The following EFCAB8 variants were observed in gnomAD, a reference collection of about 807,000 sequenced individuals.
EFCAB8 encodes the protein EF-hand calcium-binding domain-containing protein 8.
Under a neutral mutation model 116.3 loss-of-function variants are expected in EFCAB8, and 100 were observed. That is an observed-to-expected ratio of 0.86 (90% CI 0.73 to 1.02). The LOEUF is 1.02. Ranked by LOEUF, EFCAB8 falls within the 50% of genes least tolerant of loss-of-function variation. The probability of loss-of-function intolerance (pLI) is 0.00; values close to 1 mark genes in which losing one functional copy is unlikely to be tolerated. For synonymous variants in EFCAB8, 558 were observed against 567.9 expected, an observed-to-expected ratio of 0.98 and a Z score of 0.25; for missense variants, 1,320 against 1,416.9, an observed-to-expected ratio of 0.93 and a Z score of 1.10.
chr20:32,889,435 C>A lies in EFCAB8; in HGVS notation c.673+29C>A, dbSNP rs1284536610. On this transcript the variant is annotated intron_variant, in intron 7 of 26. Coordinates refer to ENST00000400522, the MANE Select transcript of EFCAB8 (RefSeq NM_001143967.2). ...AGTCCCTGGGGGCTTCCCAGCTCTG[C>A]TCTCAGCCACTGGGAGCCATGCATT... 3.3e-6 allele frequency: 5 copies of A among 1,537,128 alleles called. No individual in the cohort carries two copies. The South Asian group carries it at 6.0e-5, about 18-fold the overall frequency.
intron 5 of EFCAB8, among the ~76,000 whole-genome samples, chr20:32,881,769 G>T (rs76538728): frequency 6.6e-6 from 1 of 152,064 alleles, no homozygotes; most frequent in Admixed American, 6.6e-5. Flanking sequence ...TTCCAAACTC[G>T]CGAGCCATTT....
intron 2 of EFCAB8, among the ~76,000 whole-genome samples, chr20:32,865,308 G>A (rs115270238): frequency 1.3e-5 from 1 of 75,476 alleles, no homozygotes; most frequent in African/African-American, 5.7e-5. Context: ...GTTGGACTGT[G>A]TATGGGAGAC....
chr20:32,882,340 G>A (rs144022542), intron 5 of EFCAB8, among the ~76,000 whole-genome samples: 8 of 152,174 alleles, frequency 5.3e-5, no homozygotes, highest in African/African-American at 1.9e-4. Flanking sequence ...GCATTTCCTC[G>A]TTGGTCACTT....
intron 11 of EFCAB8, among the ~76,000 whole-genome samples, chr20:32,903,934 C>T (rs1027629517): frequency 6.6e-6 from 1 of 152,080 alleles, no homozygotes; most frequent in African/African-American, 2.4e-5. Flanking sequence ...GTGGAGGAGC[C>T]GGGTCAGGGG....
In EFCAB8 at chr20:32,876,060, C is replaced by T; in HGVS notation, c.327+16C>T. 1.3e-6 allele frequency: 2 copies of T among 1,549,786 alleles called. No homozygotes were observed. The highest frequency in any genetic ancestry group is 1.7e-6 in the Non-Finnish European group (2 of 1,145,550). On this transcript the variant is annotated intron_variant, in intron 4 of 26. Transcript: ENST00000400522. The stretch of plus-strand genomic sequence containing the variant: ...TGTCACCTGGGTGAGGAGGGTGCCC[C>T]TGCTTCCTCAGGTGCTGGAGGGAGG...
chr20:32,942,353 A>G (rs904096203), intron 22 of EFCAB8, among the ~76,000 whole-genome samples: 1 of 152,024 alleles, frequency 6.6e-6, no homozygotes, highest in Non-Finnish European at 1.5e-5. Context: ...CTACTTTTCT[A>G]TTGTGGTAAC....
chr20:32,868,904 G>C (rs1480749939), intron 3 of EFCAB8, among the ~76,000 whole-genome samples: 2 of 152,090 alleles, frequency 1.3e-5, no homozygotes, highest in African/African-American at 4.8e-5. Context: ...AGAATCGCTT[G>C]AATCTGGGAA....
rs928813997 is a variant in EFCAB8, at chr20:32,942,521, T to TA, written c.2791-1104dup. 2.1e-3 allele frequency among the ~76,000 whole-genome samples: 298 copies of TA among 144,266 alleles called. 2 individuals carry two copies. Among genetic ancestry groups the TA allele is most frequent in the Non-Finnish European group, 2.4e-3 (156 of 65,430 alleles). The allele number at this position is 144,266 out of a possible 152,430, so 94.6% of individuals were successfully genotyped here. ...GGGCAACATAGTGAGACCCCATCTC[T>TA]AAAAAAAAAAACCAATAAAAATATA... On this transcript the variant is annotated intron_variant, in intron 22 of 26. Coordinates refer to ENST00000400522, the MANE Select transcript of EFCAB8 (RefSeq NM_001143967.2).
chr20:32,938,241 G>A (rs945724799), intron 22 of EFCAB8, among the ~76,000 whole-genome samples: 3 of 149,924 alleles, frequency 2.0e-5, no homozygotes, highest in African/African-American at 5.0e-5. Context: ...TGCAAAAAGA[G>A]CATTTAACAA....
At chr20:32,877,914 C>T (rs67842457) in intron 4 of EFCAB8, among the ~76,000 whole-genome samples, 22,069 of 152,130 alleles carry the variant, frequency 0.15, 2,165 homozygotes, top group Non-Finnish European at 0.2. Context: ...CGCCTCAGGA[C>T]GGCGAGGGAG....
chr20:32,942,362 AC>A lies in EFCAB8; in HGVS notation c.2791-1273del, dbSNP rs1458295655. On this transcript the variant is annotated intron_variant, in intron 22 of 26. Coordinates refer to ENST00000400522, the MANE Select transcript of EFCAB8 (RefSeq NM_001143967.2). ...CTTTGCCTACTTTTCTATTGTGGTA[AC>A]TATCTTTTATAAATGTTGTATAATT... 2.6e-5 allele frequency among the ~76,000 whole-genome samples: 4 copies of A among 152,088 alleles called. No individual in the cohort carries two copies. The East Asian group carries it at 7.7e-4, about 29-fold the overall frequency.
At chr20:32,866,896 C>T (rs1258934121) in intron 2 of EFCAB8, among the ~76,000 whole-genome samples, 1 of 143,424 alleles carries the variant, frequency 7.0e-6, no homozygotes, top group African/African-American at 2.6e-5. Context: ...CTTTCTTTCT[C>T]TCTCTCTCTT....
intron 20 of EFCAB8, among the ~76,000 whole-genome samples, chr20:32,929,459 T>TCCCCTCCCCTC (rs1987802022): frequency 7.2e-6 from 1 of 139,590 alleles, no homozygotes; most frequent in African/African-American, 2.9e-5. Flanking sequence ...TTTTCTCCCT[T>TCCCCTCCCCTC]CCCTCCCCTC....
intron 1 of EFCAB8, among the ~76,000 whole-genome samples, chr20:32,859,846 G>A (rs1334561752): frequency 1.3e-5 from 2 of 152,094 alleles, no homozygotes; most frequent in African/African-American, 4.8e-5. Context: ...ATAATATAGA[G>A]TCCATGTTCA....
rs538201324 is a variant in EFCAB8 at position 32,941,497 on chromosome 20, G to A, written c.2791-2139G>A. On this transcript the variant is annotated intron_variant, in intron 22 of 26. Coordinates refer to ENST00000400522, the MANE Select transcript of EFCAB8 (RefSeq NM_001143967.2). The stretch of plus-strand genomic sequence containing the variant: ...AAATGTCAACTTCCAAATGGATAAA[G>A]TGTGGTATGGTGATACAATGGAATG... Among the ~76,000 whole-genome samples, 9 of 133,128 alleles carry A rather than the reference G, an allele frequency of 6.8e-5. No individual in the cohort carries two copies. The South Asian group carries it at 2.0e-3, about 29-fold the overall frequency. The allele number at this position is 133,128 out of a possible 152,430, so 87.3% of individuals were successfully genotyped here. A position where few individuals can be genotyped will look rare whatever the true frequency, so the allele number is the denominator to read the frequency against.
chr20:32,898,098 A>G (rs1986250038), intron 10 of EFCAB8, among the ~76,000 whole-genome samples: 1 of 152,202 alleles, frequency 6.6e-6, no homozygotes, highest in Middle Eastern at 3.4e-3. Flanking sequence ...ACAAACATGG[A>G]GGGTGGCAGT....
chr20:32,880,739 T>G (rs1461635540), intron 5 of EFCAB8, among the ~76,000 whole-genome samples: 1 of 152,104 alleles, frequency 6.6e-6, no homozygotes, highest in Non-Finnish European at 1.5e-5. Context: ...GGGAGAGGGA[T>G]GCACAAGCTT....
At chr20:32,947,513 A>G (rs1411616644) in intron 23 of EFCAB8, among the ~76,000 whole-genome samples, 1 of 152,232 alleles carries the variant, frequency 6.6e-6, no homozygotes, top group Non-Finnish European at 1.5e-5. Context: ...CTCTGATCCC[A>G]ATGAAACTGA....
Position 32,899,534 on chromosome 20 carries a change from T to C in EFCAB8, c.1088+911T>C, listed in dbSNP as rs1045492026. Among the ~76,000 whole-genome samples, 3 of 152,150 alleles carry C rather than the reference T, an allele frequency of 2.0e-5. No homozygotes were observed. The South Asian group carries it at 6.2e-4, about 32-fold the overall frequency. On this transcript the variant is annotated intron_variant, in intron 11 of 26. Coordinates refer to ENST00000400522, the MANE Select transcript of EFCAB8 (RefSeq NM_001143967.2). ...GGGCCCCCTCCTTATTCAATCGCCA[T>C]TCCCTGACCCAGTTATCAAAAGCCA... is the stretch of plus-strand genomic sequence containing the variant.
Sources: gnomAD v4.1 joint callset for allele counts (sites outside exome capture counted in the v4.1 genomes callset) on GRCh38, gnomAD v4.1.1 for gene constraint, MANE v1.5 for transcripts, NCBI Gene and HGNC (gene_info 2026-07-23, HGNC 2026-07-21) for gene names.